Variants in CD247 observed in about 807,000 individuals in gnomAD.
The protein encoded by CD247 is CD247 molecule.
CD247 carries 13 observed loss-of-function variants against 30.0 expected under a neutral mutation model. The ratio of observed to expected loss-of-function variants is 0.43; its 90% CI spans 0.28 to 0.69. CD247 has a LOEUF of 0.69. Ranked by LOEUF, CD247 falls within the 30% of genes least tolerant of loss-of-function variation. The pLI is 0.16. For missense variants in CD247, 193 were observed against 212.6 expected (o/e 0.91, Z 0.57); for synonymous variants, 72 against 80.0 (o/e 0.90, Z 0.53).
intron 1 of CD247, among the ~76,000 whole-genome samples, chr1:167,484,566 C>A (rs1654122935): frequency 6.6e-6 from 1 of 152,234 alleles, no homozygotes; most frequent in African/African-American, 2.4e-5. Context: ...CACCTGAGGT[C>A]AGGAGTTCGA....
intron 1 of CD247, among the ~76,000 whole-genome samples, chr1:167,518,135 C>A (rs1571611962): frequency 6.6e-6 from 1 of 152,174 alleles, no homozygotes; most frequent in East Asian, 1.9e-4. Context: ...CTCTTGCTTC[C>A]TTCTTCCTTC....
chr1:167,452,097 C>T (rs1652374425), intron 1 of CD247, among the ~76,000 whole-genome samples: 1 of 152,194 alleles, frequency 6.6e-6, no homozygotes, highest in African/African-American at 2.4e-5. Context: ...TGGTGGTAGG[C>T]ACTTGTAAAC....
intron 1 of CD247, among the ~76,000 whole-genome samples, chr1:167,482,768 C>T (rs1223232199): frequency 6.6e-6 from 1 of 152,108 alleles, no homozygotes; most frequent in Non-Finnish European, 1.5e-5. Context: ...TTGGGCTGCC[C>T]GTACCCTGGG....
chr1:167,467,329 A>T (rs1030071403), intron 1 of CD247, among the ~76,000 whole-genome samples: 2 of 152,144 alleles, frequency 1.3e-5, no homozygotes, highest in Non-Finnish European at 2.9e-5. Flanking sequence ...ACGCAGAGTC[A>T]CCCTGACTCA....
In CD247 at chr1:167,481,792, G is replaced by A. The variant is rs141467465; in HGVS notation, c.58+36616C>T. 5.7e-3 allele frequency among the ~76,000 whole-genome samples: 875 copies of A among 152,212 alleles called. 8 individuals carry two copies. Among genetic ancestry groups the A allele is most frequent in the African/African-American group, 0.02 (841 of 41,510 alleles). On this transcript the variant is annotated intron_variant, in intron 1 of 7. Transcript: ENST00000362089. ...GTGGGGCGGTCACAGGACCATACCT[G>A]TCACTGCATTCAGTTCTGTGAGGGT...
intron 1 of CD247, among the ~76,000 whole-genome samples, chr1:167,508,702 G>A (rs932544006): frequency 1.4e-4 from 22 of 152,160 alleles, no homozygotes; most frequent in African/African-American, 5.3e-4. Context: ...AGCTCTCTTG[G>A]CTGACTCAAA....
At chr1:167,453,852 T>TC (rs1652493674) in intron 1 of CD247, among the ~76,000 whole-genome samples, 1 of 152,000 alleles carries the variant, frequency 6.6e-6, no homozygotes, top group Non-Finnish European at 1.5e-5. Flanking sequence ...CCCAGCCCCC[T>TC]CCTCCGGAGG....
intron 1 of CD247, among the ~76,000 whole-genome samples, chr1:167,492,459 AC>A (rs1443881120): frequency 6.6e-6 from 1 of 152,218 alleles, no homozygotes; most frequent in African/African-American, 2.4e-5. Flanking sequence ...AAGGTAGGCA[AC>A]AGTTTGCAAA....
At chr1:167,450,292 T>C (rs1277623810) in intron 1 of CD247, among the ~76,000 whole-genome samples, 3 of 152,086 alleles carry the variant, frequency 2.0e-5, no homozygotes, top group Non-Finnish European at 4.4e-5. Flanking sequence ...GCCCAGGAGT[T>C]AGAGACCAGC....
intron 1 of CD247, among the ~76,000 whole-genome samples, chr1:167,489,977 A>T (rs189670376): frequency 6.6e-6 from 1 of 152,296 alleles, no homozygotes; most frequent in East Asian, 1.9e-4. Flanking sequence ...TTTTGGCCCC[A>T]GGAGGCAGAG....
chr1:167,491,032 G>T (rs1334559944), intron 1 of CD247, among the ~76,000 whole-genome samples: 1 of 152,064 alleles, frequency 6.6e-6, no homozygotes, highest in Non-Finnish European at 1.5e-5. Context: ...TTGTTAATTT[G>T]TCACATTTAA....
intron 1 of CD247, among the ~76,000 whole-genome samples, chr1:167,495,751 G>T (rs773150595): frequency 5.3e-5 from 8 of 152,002 alleles, no homozygotes; most frequent in Non-Finnish European, 1.0e-4. Flanking sequence ...GCAGTTCCAG[G>T]AACATGCCAG....
At chr1:167,436,744 C>T (rs1281930718) in intron 4 of CD247, among the ~76,000 whole-genome samples, 4 of 152,056 alleles carry the variant, frequency 2.6e-5, no homozygotes, top group Non-Finnish European at 5.9e-5. Context: ...ACATCACTAA[C>T]CATTAGGGAG....
chr1:167,459,240 T>C (rs1338071600), intron 1 of CD247, among the ~76,000 whole-genome samples: 1 of 152,130 alleles, frequency 6.6e-6, no homozygotes, highest in East Asian at 1.9e-4. Flanking sequence ...AACCTTTAGA[T>C]ATGTTTTCAG....
rs745431379 is a variant in CD247 at position 167,494,517 on chromosome 1, G to A, written c.58+23891C>T. On this transcript the variant is annotated intron_variant, in intron 1 of 7. Transcript: ENST00000362089. The surrounding 1 kb of genome is among the most constrained non-coding windows in gnomAD (Gnocchi z 7.3). ...ATGGGGATAATGTCCTCACCCTGTC[G>A]ACCTCATGGGGCTGCTGTGAGGGTC... Among the ~76,000 whole-genome samples, 5 of 152,118 alleles carry A rather than the reference G, an allele frequency of 3.3e-5. No individual in the cohort carries two copies. The highest frequency in any genetic ancestry group is 5.9e-5 in the Non-Finnish European group (4 of 68,024).
At chr1:167,500,237 T>A (rs1169046969) in intron 1 of CD247, among the ~76,000 whole-genome samples, 1 of 152,266 alleles carries the variant, frequency 6.6e-6, no homozygotes, top group African/African-American at 2.4e-5. Flanking sequence ...AGAGCATTTA[T>A]GATGCAGCTT....
intron 1 of CD247, among the ~76,000 whole-genome samples, chr1:167,459,094 C>T (rs1652868234): frequency 6.6e-6 from 1 of 151,064 alleles, no homozygotes; most frequent in Non-Finnish European, 1.5e-5. Context: ...GAGATCAAGC[C>T]ACTGCACTCC....
chr1:167,458,582 C>A (rs1287909706), intron 1 of CD247: 1 of 152,080 alleles, frequency 6.6e-6, no homozygotes, highest in Non-Finnish European at 1.5e-5. Context: ...TTTTACTCAT[C>A]TTTCAAGGCT....
At chr1:167,432,937 G>C in intron 7 of CD247, 87 bp downstream of exon 7, 1 of 1,455,842 alleles carries the variant, frequency 6.9e-7, no homozygotes, top group Non-Finnish European at 9.6e-7. Flanking sequence ...AAGAGCTGGT[G>C]CCACCAGCAG....
Sources: allele counts gnomAD v4.1 joint callset (sites outside exome capture counted in the v4.1 genomes callset), GRCh38; gene constraint gnomAD v4.1.1; non-coding constraint Gnocchi (gnomAD v3.1); transcripts MANE v1.5; gene names NCBI Gene and HGNC (gene_info 2026-07-23, HGNC 2026-07-21).